Variants in CDH18 observed in about 807,000 individuals in gnomAD.
The protein encoded by CDH18 is cadherin-18.
Under a neutral mutation model 67.9 loss-of-function variants are expected in CDH18, and 31 were observed. The observed-to-expected ratio is 0.46, with a 90% CI of 0.34 to 0.62. The LOEUF (loss-of-function observed/expected upper bound fraction) is 0.62. Ranked by LOEUF, CDH18 falls within the 20% of genes least tolerant of loss-of-function variation. The pLI, the probability that CDH18 is intolerant of heterozygous loss-of-function variation, is 0.01. For synonymous variants in CDH18, 362 were observed against 347.2 expected (o/e 1.04, Z -0.48); for missense variants, 890 against 975.5 (o/e 0.91, Z 1.17).
intron 1 of CDH18, among the ~76,000 whole-genome samples, chr5:20,390,935 G>A (rs988285857): frequency 4.6e-5 from 7 of 152,004 alleles, no homozygotes; most frequent in African/African-American, 1.2e-4. Context: ...ATTGAACAAT[G>A]AGAACACATG....
chr5:19,960,267 T>A (rs1382048153), intron 2 of CDH18, among the ~76,000 whole-genome samples: 2 of 152,084 alleles, frequency 1.3e-5, no homozygotes, highest in African/African-American at 4.8e-5. Flanking sequence ...TATAGCTGTA[T>A]AAAATATTTT....
At chr5:20,548,482 T>A (rs1253926201) in intron 1 of CDH18, among the ~76,000 whole-genome samples, 1 of 150,394 alleles carries the variant, frequency 6.6e-6, no homozygotes, top group African/African-American at 2.4e-5. Context: ...CACACACAAA[T>A]GTATTATGTT....
intron 2 of CDH18, among the ~76,000 whole-genome samples, chr5:20,169,265 T>G (rs1040698684): frequency 1.3e-5 from 2 of 152,138 alleles, no homozygotes; most frequent in Admixed American, 1.3e-4. Context: ...TATACACCTA[T>G]TATGTACCCA....
At chr5:19,812,238 C>A (rs1778812052) in intron 3 of CDH18, among the ~76,000 whole-genome samples, 1 of 151,730 alleles carries the variant, frequency 6.6e-6, no homozygotes, top group Non-Finnish European at 1.5e-5. Flanking sequence ...AAATTGAAGC[C>A]AGGAAGAAGA....
intron 9 of CDH18, among the ~76,000 whole-genome samples, chr5:19,536,273 C>T (rs1275370240): frequency 2.0e-5 from 3 of 152,126 alleles, no homozygotes; most frequent in Non-Finnish European, 2.9e-5. Context: ...AGAAACTGTA[C>T]ATTTGTCTAA....
intron 1 of CDH18, among the ~76,000 whole-genome samples, chr5:20,335,259 G>T (rs1353241484): frequency 6.6e-6 from 1 of 151,966 alleles, no homozygotes; most frequent in Non-Finnish European, 1.5e-5. Context: ...ATTCCCCCAG[G>T]ACTTTTGCAT....
chr5:20,567,443 G>T (rs1218100214), intron 1 of CDH18, among the ~76,000 whole-genome samples: 1 of 152,108 alleles, frequency 6.6e-6, no homozygotes, highest in African/African-American at 2.4e-5. Context: ...GGGCCCCATG[G>T]AGCAATGGAA....
intron 1 of CDH18, among the ~76,000 whole-genome samples, chr5:20,469,135 G>C (rs1019358067): frequency 6.6e-6 from 1 of 152,114 alleles, no homozygotes; most frequent in Non-Finnish European, 1.5e-5. Context: ...AAAAAGGAAA[G>C]GCATTAAATA....
chr5:19,576,731 G>C (rs1445472554), intron 7 of CDH18, among the ~76,000 whole-genome samples: 1 of 152,080 alleles, frequency 6.6e-6, no homozygotes, highest in Non-Finnish European at 1.5e-5. Context: ...GCAATCCCCT[G>C]ACTGGGTATA....
intron 1 of CDH18, among the ~76,000 whole-genome samples, chr5:20,486,908 G>A (rs1753228741): frequency 6.6e-6 from 1 of 152,068 alleles, no homozygotes; most frequent in African/African-American, 2.4e-5. Flanking sequence ...TTGTTGCTGG[G>A]ATGTCTCAAC....
At chr5:19,789,328 A>C (rs942934733) in intron 3 of CDH18, among the ~76,000 whole-genome samples, 1 of 152,206 alleles carries the variant, frequency 6.6e-6, no homozygotes, top group African/African-American at 2.4e-5. Context: ...AATGAGATAG[A>C]TATGAATTAA....
chr5:19,862,865 G>A (rs1356507226), intron 2 of CDH18, among the ~76,000 whole-genome samples: 1 of 151,408 alleles, frequency 6.6e-6, no homozygotes, highest in Non-Finnish European at 1.5e-5. Flanking sequence ...ACCTGACCCT[G>A]AAAAGACAGT....
chr5:19,990,685 T>G (rs1034954028), upstream of CDH18, among the ~76,000 whole-genome samples: 4 of 152,160 alleles, frequency 2.6e-5, no homozygotes, highest in African/African-American at 9.7e-5. Context: ...ATTCTGAAAC[T>G]GTGCCAATTT....
chr5:19,486,189 C>T (rs902546293), intron 11 of CDH18, among the ~76,000 whole-genome samples: 4 of 151,236 alleles, frequency 2.6e-5, no homozygotes, highest in African/African-American at 9.7e-5. Context: ...CTGTACCTCA[C>T]CGGAACAGTA....
In CDH18 at chr5:19,571,704, A is replaced by G. The variant is rs950484238; in HGVS notation, c.1128T>C (p.Asp376=). 1 of 1,614,010 alleles carries G rather than the reference A, an allele frequency of 6.2e-7. No individual in the cohort carries two copies. The highest frequency in any genetic ancestry group is 1.7e-5 in the Admixed American group (1 of 60,006). Residue 376 remains aspartate, a synonymous_variant, in exon 8 of 13, where the codon GAT becomes GAC. Coordinates refer to ENST00000382275, the MANE Select transcript of CDH18 (RefSeq NM_004934.5). ...DATMLKIIVG[D]VDEPPLFSMP... ...TGGAAAATAGTGGTGGTTCATCTAC[A>G]TCCCCAACAATGATCTTCAGCATAG...
chr5:20,574,420 A>G (rs1456972085), intron 1 of CDH18, among the ~76,000 whole-genome samples: 2 of 151,916 alleles, frequency 1.3e-5, no homozygotes, highest in Admixed American at 6.6e-5. Context: ...AGAGTGACTC[A>G]GGGAACTTCA....
chr5:19,845,641 C>T (rs1023742496), intron 2 of CDH18, among the ~76,000 whole-genome samples: 1 of 151,886 alleles, frequency 6.6e-6, no homozygotes, highest in Non-Finnish European at 1.5e-5. Context: ...GTATTATTCT[C>T]TATTCAGTTC....
At chr5:20,035,782 A>G (rs563876935) in intron 2 of CDH18, among the ~76,000 whole-genome samples, 1 of 152,128 alleles carries the variant, frequency 6.6e-6, no homozygotes, top group African/African-American at 2.4e-5. Context: ...GATACTCAGA[A>G]ATATTAACTT....
intron 2 of CDH18, among the ~76,000 whole-genome samples, chr5:19,855,602 G>C (rs1220391258): frequency 1.3e-5 from 2 of 152,120 alleles, no homozygotes; most frequent in Non-Finnish European, 2.9e-5. Context: ...ATCCATGTGT[G>C]TAAATAATTC....
Sources: gnomAD v4.1 joint callset for allele counts (sites outside exome capture counted in the v4.1 genomes callset) on GRCh38, gnomAD v4.1.1 for gene constraint, MANE v1.5 for transcripts, NCBI Gene and HGNC (gene_info 2026-07-23, HGNC 2026-07-21) for gene names.